Variants in RASGEF1C observed in about 807,000 individuals in gnomAD.
RASGEF1C encodes ras-GEF domain-containing family member 1C.
Under a neutral mutation model 58.1 loss-of-function variants are expected in RASGEF1C, and 27 were observed. That is an observed-to-expected ratio of 0.46 (90% confidence interval 0.34 to 0.64). RASGEF1C has a LOEUF of 0.64. Among genes scored for constraint, RASGEF1C ranks in the 30% least tolerant of loss-of-function variants. RASGEF1C has a pLI of 0.01. For synonymous variants in RASGEF1C, 243 were observed against 246.3 expected (o/e 0.99, Z 0.13); for missense variants, 502 against 605.1 (o/e 0.83, Z 1.79).
intron 4 of RASGEF1C, among the ~76,000 whole-genome samples, chr5:180,130,462 G>A (rs943657066): frequency 4.8e-4 from 73 of 152,164 alleles, no homozygotes; most frequent in Admixed American, 4.3e-3. Flanking sequence ...GCCCTTCCAC[G>A]GACCTCCTGT....
chr5:180,207,632 C>CTGTCCCTCTGTCGCT (rs75928125), intron 1 of RASGEF1C, among the ~76,000 whole-genome samples: 2 of 151,950 alleles, frequency 1.3e-5, no homozygotes, highest in African/African-American at 4.8e-5. Flanking sequence ...CCTCTCTCGC[C>CTGTCCCTCTGTCGCT]TGCCCTCCCT....
chr5:180,109,349 T>A (rs544987057), intron 12 of RASGEF1C, among the ~76,000 whole-genome samples: 1 of 152,040 alleles, frequency 6.6e-6, no homozygotes, highest in East Asian at 1.9e-4. Flanking sequence ...TCCCAGCTAC[T>A]CGGGAGGCTG....
At chr5:180,136,635 C>CA in intron 3 of RASGEF1C, 120 bp from the exon 4 acceptor site, 1 of 1,093,326 alleles carries the variant, frequency 9.1e-7, no homozygotes, top group Non-Finnish European at 1.3e-6. Flanking sequence ...CCTCTCTGTG[C>CA]CAGGGAGGAG....
At position 180,209,041 on chromosome 5, in the gene RASGEF1C, G is replaced by C. The variant is rs1201187579; in HGVS notation, c.-20C>G. 2.1e-5 allele frequency: 3 copies of C among 144,258 alleles called. No homozygotes were observed. The highest frequency in any genetic ancestry group is 4.6e-5 in the Non-Finnish European group (3 of 64,934). The allele number at this position is 144,258 out of a possible 1,614,324, so 8.9% of individuals were successfully genotyped here. A position where few individuals can be genotyped will look rare whatever the true frequency, so the allele number is the denominator to read the frequency against. ...CGCACCACTCACCGGCTCCCGGCGC[G>C]CCGGAACTCCGGGCCCGGCCCATGG... On this transcript the variant is annotated 5_prime_UTR_variant, in exon 1 of 14. Coordinates refer to ENST00000361132, the MANE Select transcript of RASGEF1C (RefSeq NM_175062.4).
At position 180,119,511 on chromosome 5, in the gene RASGEF1C, C is replaced by A. The variant is rs1213807654; in HGVS notation, c.805-63G>T. 3.2e-6 allele frequency: 4 copies of A among 1,247,774 alleles called. No homozygotes were observed. The African/African-American group carries it at 5.9e-5, about 18-fold the overall frequency. The allele number at this position is 1,247,774 out of a possible 1,614,324, so 77.3% of individuals were successfully genotyped here. A position where few individuals can be genotyped will look rare whatever the true frequency, so the allele number is the denominator to read the frequency against. On this transcript the variant is annotated intron_variant, in intron 7 of 13. Coordinates refer to ENST00000361132, the MANE Select transcript of RASGEF1C (RefSeq NM_175062.4). ...CTCCACCCTGCCCTGATCAGGCCCG[C>A]TCCCCTCACCTGGCCCGCTTCACCT...
Position 180,156,201 on chromosome 5 carries a change from GC to G in RASGEF1C, c.-6-18144del, listed in dbSNP as rs1766844963. Among the ~76,000 whole-genome samples, 1 of 152,076 alleles carries G rather than the reference GC, an allele frequency of 6.6e-6. No individual in the cohort carries two copies. The highest frequency in any genetic ancestry group is 1.5e-5 in the Non-Finnish European group (1 of 68,016). ...CTGTGTATTTATCCCCAAATACCCTGCCTAGTTTGACAGCAGAGGGCAGGTG... is the reference window on the plus strand; with the variant it reads ...CTGTGTATTTATCCCCAAATACCCTGCTAGTTTGACAGCAGAGGGCAGGTG... On this transcript the variant is annotated intron_variant, in intron 1 of 13. Transcript: ENST00000361132. This position sits in a 1 kb window ranked among gnomAD's most constrained non-coding sequence, Gnocchi z 4.9.
intron 1 of RASGEF1C, among the ~76,000 whole-genome samples, chr5:180,148,060 TC>T (rs1292123332): frequency 3.1e-4 from 47 of 152,304 alleles, no homozygotes; most frequent in African/African-American, 1.1e-3. Flanking sequence ...AATTGTTAAG[TC>T]TTCTTGCTAT....
At chr5:180,184,943 T>G (rs1756006759) in intron 1 of RASGEF1C, among the ~76,000 whole-genome samples, 1 of 152,088 alleles carries the variant, frequency 6.6e-6, no homozygotes, top group Non-Finnish European at 1.5e-5. Flanking sequence ...ACCACAACCT[T>G]AGTTGAGATT....
intron 1 of RASGEF1C, among the ~76,000 whole-genome samples, chr5:180,180,349 T>C (rs1767305151): frequency 6.6e-6 from 1 of 152,172 alleles, no homozygotes. Flanking sequence ...GCTGCCTCTT[T>C]CCTAAAGCCA....
In RASGEF1C at chr5:180,143,562, A is replaced by G. The variant is rs905480856; in HGVS notation, c.-6-5504T>C. On this transcript the variant is annotated intron_variant, in intron 1 of 13. Coordinates refer to ENST00000361132, the MANE Select transcript of RASGEF1C (RefSeq NM_175062.4). This position sits in a 1 kb window ranked among gnomAD's most constrained non-coding sequence, Gnocchi z 4.3. ...CCGGCTGTACCAGTGAAAACCCACA[A>G]GCTCTGCTGTGCTCTGGGAGCTGGC... Among the ~76,000 whole-genome samples, 1 of 152,206 alleles carries G rather than the reference A, an allele frequency of 6.6e-6. No individual in the cohort carries two copies. The highest frequency in any genetic ancestry group is 1.9e-4 in the East Asian group (1 of 5,186).
chr5:180,129,420 T>C (rs973458014), intron 4 of RASGEF1C, among the ~76,000 whole-genome samples: 15 of 152,056 alleles, frequency 9.9e-5, no homozygotes, highest in Non-Finnish European at 2.1e-4. Flanking sequence ...CCCACTGCCA[T>C]AGGAGTGCCA....
Position 180,154,960 on chromosome 5 carries a change from AG to A in RASGEF1C, c.-6-16903del, listed in dbSNP as rs1766828300. Among the ~76,000 whole-genome samples, 6 of 152,260 alleles carry A rather than the reference AG, an allele frequency of 3.9e-5. No individual in the cohort carries two copies. The South Asian group carries it at 1.2e-3, about 32-fold the overall frequency. ...AATTGGTACAGCCTGAGTGGAAGAC[AG>A]ACTTGGCCTGAAGGTTCAGCAGGAA... On this transcript the variant is annotated intron_variant, in intron 1 of 13. Coordinates refer to ENST00000361132, the MANE Select transcript of RASGEF1C (RefSeq NM_175062.4).
chr5:180,175,045 T>C (rs1166602379), intron 1 of RASGEF1C, among the ~76,000 whole-genome samples: 1 of 151,986 alleles, frequency 6.6e-6, no homozygotes. Flanking sequence ...GCAGCTCAGG[T>C]GGGGAAAGGC....
At chr5:180,202,443 A>G (rs943641839) in intron 1 of RASGEF1C, among the ~76,000 whole-genome samples, 4 of 152,204 alleles carry the variant, frequency 2.6e-5, no homozygotes, top group Non-Finnish European at 5.9e-5. Context: ...AATGCCTAGT[A>G]AAATGATTAA....
At chr5:180,154,731 C>T (rs1766824888) in intron 1 of RASGEF1C, among the ~76,000 whole-genome samples, 1 of 152,146 alleles carries the variant, frequency 6.6e-6, no homozygotes, top group African/African-American at 2.4e-5. Context: ...CAGGCACCCA[C>T]CATCACGCCT....
At position 180,155,828 on chromosome 5, in the gene RASGEF1C, C is replaced by T. The variant is rs2113296541; in HGVS notation, c.-6-17770G>A. Among the ~76,000 whole-genome samples the T allele has an allele frequency of 6.6e-6, 1 of 152,294 alleles. No individual in the cohort carries two copies. The highest frequency in any genetic ancestry group is 2.1e-4 in the South Asian group (1 of 4,830). ...TTTGTTTCACCTCCCAACCCGCATG[C>T]TGCCTTCCCTTCAGGAACTTCTCCC... On this transcript the variant is annotated intron_variant, in intron 1 of 13. Transcript: ENST00000361132. The surrounding 1 kb of genome is among the most constrained non-coding windows in gnomAD (Gnocchi z 5.2).
At chr5:180,113,064 TGGACGGAGGGACC>T (rs1765990077) in intron 11 of RASGEF1C, among the ~76,000 whole-genome samples, 2 of 118,198 alleles carry the variant, frequency 1.7e-5, no homozygotes, top group South Asian at 5.7e-4. Flanking sequence ...GGATCCGGGC[TGGACGGAGGGACC>T]GGGGATGGAC....
At chr5:180,160,093 C>G (rs1397699612) in intron 1 of RASGEF1C, among the ~76,000 whole-genome samples, 2 of 152,222 alleles carry the variant, frequency 1.3e-5, no homozygotes, top group African/African-American at 4.8e-5. Flanking sequence ...TTGTTTATCC[C>G]ACGGAAGGTG....
rs1766486664 is a variant in RASGEF1C, at chr5:180,136,778, C to T, written c.301-263G>A. The T allele has an allele frequency of 3.5e-5, 17 of 489,682 alleles. No homozygotes were observed. In the South Asian group the frequency reaches 3.8e-4, roughly 11 times the overall value. 30.3% of individuals were successfully genotyped at this position (489,682 alleles called of 1,614,324 possible). A position where few individuals can be genotyped will look rare whatever the true frequency, so the allele number is the denominator to read the frequency against. The stretch of plus-strand genomic sequence containing the variant: ...TCCTCCCTGGTGAGTCTTCGCGCTG[C>T]GGGGAGTGGGGAGTCCTCAGAGCAG... On this transcript the variant is annotated intron_variant, in intron 3 of 13. Coordinates refer to ENST00000361132, the MANE Select transcript of RASGEF1C (RefSeq NM_175062.4).
Sources: allele counts gnomAD v4.1 joint callset (sites outside exome capture counted in the v4.1 genomes callset), GRCh38; gene constraint gnomAD v4.1.1; non-coding constraint Gnocchi (gnomAD v3.1); transcripts MANE v1.5; gene names NCBI Gene and HGNC (gene_info 2026-07-23, HGNC 2026-07-21).